ANKRD42: variants seen among roughly 807,000 people sequenced by gnomAD.
The protein encoded by ANKRD42 is ankyrin repeat domain-containing protein 42.
Under a neutral mutation model 51.5 loss-of-function variants are expected in ANKRD42, and 43 were observed. That is an observed-to-expected ratio of 0.83 (90% CI 0.65 to 1.08). The LOEUF is 1.08. ANKRD42 is among the 50% of genes least tolerant of loss of function. ANKRD42 has a pLI of 0.00. For missense variants in ANKRD42, 608 were observed against 629.3 expected (o/e 0.97, Z 0.36); for synonymous variants, 203 against 213.0 (o/e 0.95, Z 0.41).
At chr11:83,225,564 CA>C (rs34199371) in intron 6 of ANKRD42, among the ~76,000 whole-genome samples, 40,199 of 136,120 alleles carry the variant, frequency 0.3, 5,837 homozygotes, top group Non-Finnish European at 0.35. Context: ...GACCCTGTCT[CA>C]AAAAAAAAAA....
chr11:83,251,621 C>T (rs1863676922), downstream of ANKRD42, among the ~76,000 whole-genome samples: 1 of 152,164 alleles, frequency 6.6e-6, no homozygotes, highest in South Asian at 2.1e-4. Context: ...CTATTATAAA[C>T]CCCTCACATT....
chr11:83,214,336 A>AAGT, intron 5 of ANKRD42: 1 of 691,488 alleles, frequency 1.4e-6, no homozygotes, highest in Non-Finnish European at 1.8e-6. Flanking sequence ...TATATTCCCA[A>AAGT]TCCTCCTAGA....
chr11:83,222,667 G>A (rs1211672749), intron 5 of ANKRD42, among the ~76,000 whole-genome samples: 1 of 152,110 alleles, frequency 6.6e-6, no homozygotes, highest in African/African-American at 2.4e-5. Context: ...GGATGTGCGT[G>A]GTGTGTATGA....
intron 6 of ANKRD42, among the ~76,000 whole-genome samples, chr11:83,225,803 AAAGG>A (rs1451731285): frequency 2.0e-5 from 3 of 150,952 alleles, no homozygotes; most frequent in African/African-American, 7.3e-5. Flanking sequence ...AAAAAAAAAA[AAAGG>A]AATAAAATAT....
At chr11:83,260,174 A>G (rs546608071), downstream of ANKRD42, 1 of 152,316 alleles carries the variant, frequency 6.6e-6, no homozygotes, top group East Asian at 1.9e-4. Flanking sequence ...TTCCCTCTTA[A>G]TATTTTAGAA....
chr11:83,249,093 C>T (rs754065622), downstream of ANKRD42: 27 of 645,552 alleles, frequency 4.2e-5, no homozygotes, highest in Non-Finnish European at 4.8e-5. Flanking sequence ...GGACACAGCA[C>T]CATTTATAAC....
At chr11:83,243,586 A>C (rs973150300) in intron 9 of ANKRD42, among the ~76,000 whole-genome samples, 1 of 152,118 alleles carries the variant, frequency 6.6e-6, no homozygotes, top group South Asian at 2.1e-4. Flanking sequence ...CTATCTTCTT[A>C]CTAGTGGTTA....
intron 2 of ANKRD42, 54 bp downstream of exon 2, chr11:83,198,696 T>C (rs990429131): frequency 2.0e-6 from 3 of 1,482,344 alleles, no homozygotes; most frequent in Non-Finnish European, 2.7e-6. Flanking sequence ...ATAACAGTTT[T>C]GTAAATTTAG....
Position 83,211,312 on chromosome 11 carries a change from T to A in ANKRD42, c.468T>A (p.Asp156Glu). The A allele has an allele frequency of 1.2e-6, 2 of 1,614,220 alleles. No individual in the cohort carries two copies. The highest frequency in any genetic ancestry group is 1.7e-6 in the Non-Finnish European group (2 of 1,180,038). ...LRSGVDPSVT[D>E]KREWRPVHYA... ...ACCTCTAGGATCCCAGTGTGACTGATAAGAGAGAATGGAGACCTGTGCATT... is the reference window on the plus strand; with the variant it reads ...ACCTCTAGGATCCCAGTGTGACTGAAAAGAGAGAATGGAGACCTGTGCATT... The change falls in exon 5 of 11, where the codon GAT becomes GAA. Residue 156 changes from aspartate (D) to glutamate (E), a missense_variant. Physicochemically the swap from Asp to Glu is conservative, Grantham distance 45. Coordinates refer to ENST00000533342, the MANE Select transcript of ANKRD42 (RefSeq NM_001300975.2).
chr11:83,201,568 G>T (rs1355176866), intron 2 of ANKRD42, among the ~76,000 whole-genome samples: 1 of 152,196 alleles, frequency 6.6e-6, no homozygotes, highest in Non-Finnish European at 1.5e-5. Context: ...GATCCTTGAG[G>T]AATTGCTACA....
At chr11:83,220,580 T>C (rs1442036475) in intron 5 of ANKRD42, among the ~76,000 whole-genome samples, 2 of 152,198 alleles carry the variant, frequency 1.3e-5, no homozygotes, top group Non-Finnish European at 2.9e-5. Flanking sequence ...GTACAAAGCT[T>C]CCACGGCATG....
chr11:83,261,014 T>A (rs529155629), downstream of ANKRD42: 1 of 152,190 alleles, frequency 6.6e-6, no homozygotes. Flanking sequence ...ATTTAAAAAA[T>A]ACATGTAATA....
At chr11:83,256,073 A>G in exon 12 of ANKRD42, 1 of 592,512 alleles carries the variant, frequency 1.7e-6, no homozygotes, top group South Asian at 2.7e-5. Context: ...ATGTTATATT[A>G]AAGAGATTTA....
chr11:83,248,460 G>A lies in ANKRD42; in HGVS notation c.*256G>A. 8.7e-7 allele frequency: 1 copy of A among 1,146,952 alleles called. No homozygotes were observed. Among genetic ancestry groups the A allele is most frequent in the Non-Finnish European group, 1.1e-6 (1 of 935,454 alleles). The allele number at this position is 1,146,952 out of a possible 1,614,324, so 71.0% of individuals were successfully genotyped here. A position where few individuals can be genotyped will look rare whatever the true frequency, so the allele number is the denominator to read the frequency against. ...ATAGAAGGAGAAAATGTTTTCATAA[G>A]TAATCAATCAGAATTCTAAGACAGC... On this transcript the variant is annotated 3_prime_UTR_variant, in exon 11 of 11. Coordinates refer to ENST00000533342, the MANE Select transcript of ANKRD42 (RefSeq NM_001300975.2).
intron 5 of ANKRD42, chr11:83,214,359 G>T (rs529380305): frequency 1.2e-5 from 11 of 886,976 alleles, no homozygotes; most frequent in Non-Finnish European, 1.2e-5. Context: ...TGACTTTTCC[G>T]TGTGTAATAC....
chr11:83,225,090 G>A (rs760479831), intron 6 of ANKRD42, 35 bp downstream of exon 6: 2 of 1,528,062 alleles, frequency 1.3e-6, no homozygotes, highest in South Asian at 2.4e-5. Context: ...AGCATATAAT[G>A]TGATGATGAT....
At chr11:83,203,394 CTT>C (rs1246391612) in intron 2 of ANKRD42, among the ~76,000 whole-genome samples, 16 of 129,656 alleles carry the variant, frequency 1.2e-4, no homozygotes, top group Admixed American at 1.5e-4. Context: ...TTTTTTCTTT[CTT>C]TTTTTTTTTT....
At chr11:83,260,574 A>T (rs1019479351), downstream of ANKRD42, 3 of 152,222 alleles carry the variant, frequency 2.0e-5, no homozygotes, top group Non-Finnish European at 4.4e-5. Flanking sequence ...ATATGGACCA[A>T]TCTCTTGACT....
At chr11:83,198,683 G>A (rs1483889178) in intron 2 of ANKRD42, 41 bp downstream of exon 2, 1 of 1,506,928 alleles carries the variant, frequency 6.6e-7, no homozygotes, top group African/African-American at 1.4e-5. Context: ...GTAAGTTTTA[G>A]CTATAACAGT....
Sources: allele counts gnomAD v4.1 joint callset (sites outside exome capture counted in the v4.1 genomes callset), GRCh38; gene constraint gnomAD v4.1.1; transcripts MANE v1.5; gene names NCBI Gene and HGNC (gene_info 2026-07-23, HGNC 2026-07-21).